The following DHRSX variants were observed in gnomAD, a reference collection of about 807,000 sequenced individuals.
DHRSX encodes dehydrogenase/reductase X-linked.
A neutral mutation model predicts 34.0 loss-of-function variants in DHRSX; 31 were observed. The ratio of observed to expected loss-of-function variants is 0.91; its 90% CI spans 0.69 to 1.23. The LOEUF is 1.23. Ranked by LOEUF, DHRSX falls within the 50% of genes most tolerant of loss-of-function variation. The pLI is 0.00. For synonymous variants in DHRSX, 201 were observed against 183.8 expected (o/e 1.09, Z -0.76); for missense variants, 414 against 428.1 (o/e 0.97, Z 0.29).
rs1569479316 is a variant in DHRSX at position 2,246,752 on chromosome X, A to AAAGAAAGAAAGAAAG, written c.597-3523_597-3522insCTTTCTTTCTTTCTT. Reference sequence around the variant, plus strand: ...AGAAAGAAAGAAAGAAAGAAAGAAAAAGAAAGAAAATAAAAGAATAGAAAA... The same window carrying AAAGAAAGAAAGAAAG: ...AGAAAGAAAGAAAGAAAGAAAGAAAAAAGAAAGAAAGAAAGAGAAAGAAAATAAAAGAATAGAAAA... On this transcript the variant is annotated intron_variant, in intron 5 of 6. Transcript: ENST00000334651. Among the ~76,000 whole-genome samples the AAAGAAAGAAAGAAAG allele has an allele frequency of 2.1e-5, 3 of 141,554 alleles. No homozygotes were observed. The East Asian group carries it at 6.4e-4, about 30-fold the overall frequency. The allele number at this position is 141,554 out of a possible 152,430, so 92.9% of individuals were successfully genotyped here.
At chrX:2,270,885 AAT>A in intron 4 of DHRSX, among the ~76,000 whole-genome samples, 2 of 152,060 alleles carry the variant, frequency 1.3e-5, no homozygotes, top group Admixed American at 1.3e-4. Context: ...TGGACCAATC[AAT>A]GCTCTATAAA....
chrX:2,365,495 T>G (rs1291800870), intron 3 of DHRSX, among the ~76,000 whole-genome samples: 1 of 152,158 alleles, frequency 6.6e-6, no homozygotes, highest in Non-Finnish European at 1.5e-5. Flanking sequence ...TTCTCCTGTA[T>G]GCCTAGAGAG....
chrX:2,425,122 C>A, intron 2 of DHRSX, 75 bp downstream of exon 2: 1 of 1,159,230 alleles, frequency 8.6e-7, no homozygotes. Flanking sequence ...CACGGGTTGA[C>A]GGACTGCGAT....
At chrX:2,425,394 C>A in intron 1 of DHRSX, 90 bp from the exon 2 acceptor site, 1 of 1,101,002 alleles carries the variant, frequency 9.1e-7, no homozygotes, top group Non-Finnish European at 1.4e-6. Context: ...GGCAAGATGC[C>A]AAAGGGAGTT....
intron 1 of DHRSX, among the ~76,000 whole-genome samples, chrX:2,472,467 C>T (rs868480052): frequency 6.6e-6 from 1 of 152,098 alleles, no homozygotes; most frequent in African/African-American, 2.4e-5. Context: ...TGCACACGTG[C>T]CCCTGAACCT....
At chrX:2,462,161 T>A (rs1360551963) in intron 1 of DHRSX, among the ~76,000 whole-genome samples, 1 of 135,828 alleles carries the variant, frequency 7.4e-6, no homozygotes, top group Non-Finnish European at 1.6e-5. Flanking sequence ...CCAGGACGAA[T>A]AAGTGGATTC....
intron 1 of DHRSX, among the ~76,000 whole-genome samples, chrX:2,469,173 C>A (rs979230262): frequency 6.6e-6 from 1 of 152,010 alleles, no homozygotes; most frequent in Non-Finnish European, 1.5e-5. Flanking sequence ...GAAGACGTTC[C>A]CTAAGAATGC....
intron 5 of DHRSX, among the ~76,000 whole-genome samples, chrX:2,252,020 C>G (rs2016445533): frequency 2.0e-5 from 3 of 151,978 alleles, no homozygotes; most frequent in Admixed American, 1.3e-4. Flanking sequence ...GGTGGATCAC[C>G]TGAGGCCAGG....
intron 1 of DHRSX, chrX:2,487,957 C>A (rs2044990977): frequency 6.6e-6 from 1 of 151,846 alleles, no homozygotes; most frequent in Non-Finnish European, 1.5e-5. Flanking sequence ...GGGAAAGGCT[C>A]CTTCGACGCC....
intron 1 of DHRSX, among the ~76,000 whole-genome samples, chrX:2,446,346 G>C (rs1281892431): frequency 6.6e-6 from 1 of 151,692 alleles, no homozygotes; most frequent in Non-Finnish European, 1.5e-5. Context: ...GTGGCCAAGG[G>C]ACCTCACTGA....
chrX:2,500,790 C>T, intron 1 of DHRSX, 27 bp downstream of exon 1: 1 of 1,079,464 alleles, frequency 9.3e-7, no homozygotes, highest in Non-Finnish European at 1.1e-6. Context: ...GTCCCCGGAG[C>T]CCTGACCCCT....
intron 5 of DHRSX, among the ~76,000 whole-genome samples, chrX:2,255,470 T>A (rs1041252095): frequency 1.3e-5 from 2 of 152,046 alleles, no homozygotes; most frequent in African/African-American, 4.8e-5. Flanking sequence ...TGGTTAGGAA[T>A]AAAATAATGA....
At chrX:2,317,628 G>GA (rs769616403) in intron 3 of DHRSX, among the ~76,000 whole-genome samples, 3,723 of 144,902 alleles carry the variant, frequency 0.026, 87 homozygotes, top group Non-Finnish European at 0.039. Context: ...AAAGAGGAAA[G>GA]AAAAAAAAAA....
At chrX:2,221,645 A>T (rs67652053) in intron 6 of DHRSX, among the ~76,000 whole-genome samples, 46,194 of 152,144 alleles carry the variant, frequency 0.3, 8,396 homozygotes, top group East Asian at 0.76. Flanking sequence ...CATCAAAAAG[A>T]TTCTTGTTTT....
intron 1 of DHRSX, among the ~76,000 whole-genome samples, chrX:2,432,064 GCCA>G (rs1195479412): frequency 2.4e-4 from 36 of 152,168 alleles, no homozygotes; most frequent in Admixed American, 1.3e-3. Flanking sequence ...GGTGGTGTGT[GCCA>G]CCTGTAATCC....
At chrX:2,434,647 G>T (rs1415829256) in intron 1 of DHRSX, among the ~76,000 whole-genome samples, 1 of 152,150 alleles carries the variant, frequency 6.6e-6, no homozygotes, top group Non-Finnish European at 1.5e-5. Context: ...CTCCAGCCTG[G>T]GTGACAGAGC....
At chrX:2,224,703 CAT>C (rs1486619609) in intron 6 of DHRSX, among the ~76,000 whole-genome samples, 1 of 151,956 alleles carries the variant, frequency 6.6e-6, no homozygotes, top group Non-Finnish European at 1.5e-5. Flanking sequence ...TATATATACA[CAT>C]ATGGACACAC....
intron 4 of DHRSX, among the ~76,000 whole-genome samples, chrX:2,287,070 T>A (rs1339702506): frequency 1.3e-5 from 2 of 152,238 alleles, no homozygotes; most frequent in African/African-American, 4.8e-5. Context: ...ATTGGTCCAA[T>A]GTTTGTTTCC....
intron 3 of DHRSX, among the ~76,000 whole-genome samples, chrX:2,354,873 C>A (rs1466464072): frequency 2.6e-5 from 4 of 152,116 alleles, no homozygotes; most frequent in Admixed American, 2.6e-4. Context: ...AAAAAAGAAC[C>A]AACTCACGCA....
Sources: gnomAD v4.1 joint callset for allele counts (sites outside exome capture counted in the v4.1 genomes callset) on GRCh38, gnomAD v4.1.1 for gene constraint, MANE v1.5 for transcripts, NCBI Gene and HGNC (gene_info 2026-07-23, HGNC 2026-07-21) for gene names.